Variants in SDR42E2 observed in about 807,000 individuals in gnomAD.
SDR42E2 encodes short chain dehydrogenase/reductase family 42E, member 2.
Under a neutral mutation model 10.5 loss-of-function variants are expected in SDR42E2, and 20 were observed. That is an observed-to-expected ratio of 1.90 (90% CI 1.34 to 2.77). The LOEUF is 2.77. Ranked by LOEUF, SDR42E2 falls within the 30% of genes most tolerant of loss-of-function variation. The pLI, the probability that SDR42E2 is intolerant of heterozygous loss-of-function variation, is 0.00. For synonymous variants in SDR42E2, 72 were observed against 39.2 expected, an observed-to-expected ratio of 1.84 and a Z score of -3.12; for missense variants, 162 against 104.2, an observed-to-expected ratio of 1.55 and a Z score of -2.42.
chr16:22,179,072 C>T (rs1226091193), intron 8 of SDR42E2, among the ~76,000 whole-genome samples: 1 of 152,116 alleles, frequency 6.6e-6, no homozygotes, highest in Non-Finnish European at 1.5e-5. Flanking sequence ...TGGCTCACTG[C>T]AGCCTCCACC....
chr16:22,183,965 C>G (rs1433568529), intron 10 of SDR42E2, among the ~76,000 whole-genome samples: 2 of 151,854 alleles, frequency 1.3e-5, no homozygotes, highest in Non-Finnish European at 2.9e-5. Flanking sequence ...TTAACTAACC[C>G]ATGCTTTCAA....
Position 22,190,270 on chromosome 16 carries a change from C to A in SDR42E2, c.1146C>A (p.Arg382=). ...TGCAGTCCACGACCCGGCGGCCCCG[C>A]GGCTCCACGGCGCGGACCCTCCTGC... ...LYVQSTTRRP[R]GSTARTLLRL... The change falls in exon 13 of 13, where the codon CGC becomes CGA. Residue 382 remains arginine (R), a synonymous_variant. Transcript: ENST00000602312. The A allele has an allele frequency of 2.5e-6, 1 of 401,376 alleles. No individual in the cohort carries two copies. Among genetic ancestry groups the A allele is most frequent in the African/African-American group, 2.0e-5 (1 of 48,806 alleles). 24.9% of individuals were successfully genotyped at this position (401,376 alleles called of 1,614,324 possible).
chr16:22,186,484 G>C (rs2046737633), intron 11 of SDR42E2, among the ~76,000 whole-genome samples: 1 of 152,194 alleles, frequency 6.6e-6, no homozygotes, highest in African/African-American at 2.4e-5. Context: ...TGGGATTACA[G>C]GCTTGAGCCA....
In SDR42E2 at chr16:22,186,724, C is replaced by T. The variant is rs2046739002; in HGVS notation, c.944C>T (p.Ala315Val). The change falls in exon 12 of 13, where the codon GCA (alanine) becomes GTA (valine). Residue 315 changes from alanine (A) to valine (V), a missense_variant. Physicochemically the swap from Ala to Val is moderately conservative, Grantham distance 64 (BLOSUM62 0). Transcript: ENST00000602312. ...CTGGCCCCCTCCTTCCCTGCAGCAG[C>T]AGTTATGGAGCGCCTCCATCTGGCC... ...VPTSWVYLTA[A>V]VMERLHLALR... 4 of 401,244 alleles carry T rather than the reference C, an allele frequency of 1.0e-5. No homozygotes were observed. The highest frequency in any genetic ancestry group is 1.8e-5 in the Non-Finnish European group (4 of 226,280). 24.9% of individuals were successfully genotyped at this position (401,244 alleles called of 1,614,324 possible).
At chr16:22,178,294 G>T in intron 8 of SDR42E2, 82 bp downstream of exon 8, 1 of 656,370 alleles carries the variant, frequency 1.5e-6, no homozygotes, top group South Asian at 1.6e-5. Context: ...CCCAGCCCCT[G>T]GTCGCTGCAT....
intron 12 of SDR42E2, among the ~76,000 whole-genome samples, chr16:22,187,735 G>A (rs975060916): frequency 6.6e-6 from 1 of 152,094 alleles, no homozygotes; most frequent in Admixed American, 6.6e-5. Flanking sequence ...TTAGTTAAAA[G>A]AGAGGATGTT....
chr16:22,190,062 C>G, intron 12 of SDR42E2, 77 bp from the exon 13 acceptor site: 1 of 400,384 alleles, frequency 2.5e-6, no homozygotes, highest in East Asian at 3.6e-5. Context: ...CTCTCTTTTC[C>G]CTTTCCGTAA....
chr16:22,177,701 A>G (rs2046656430), intron 7 of SDR42E2, among the ~76,000 whole-genome samples: 1 of 152,178 alleles, frequency 6.6e-6, no homozygotes, highest in South Asian at 2.1e-4. Context: ...AGCTATGGGC[A>G]TGAGGGCATG....
intron 10 of SDR42E2, among the ~76,000 whole-genome samples, chr16:22,183,953 T>A (rs1054875664): frequency 6.0e-5 from 9 of 149,072 alleles, no homozygotes; most frequent in Non-Finnish European, 8.9e-5. Flanking sequence ...AAAAAAAAAA[T>A]TTTAACTAAC....
At chr16:22,172,229 G>A (rs1189724185) in intron 6 of SDR42E2, 27 bp from the exon 7 acceptor site, 5 of 702,882 alleles carry the variant, frequency 7.1e-6, no homozygotes, top group Non-Finnish European at 1.3e-5. Context: ...CCTCTCTGGT[G>A]GTTCTGTTTT....
Position 22,190,404 on chromosome 16 carries a change from T to C in SDR42E2, c.*11T>C, listed in dbSNP as rs550544665. ...GTGGAGCGCCTGTGACCGTCCGCCG[T>C]CCGCCGCCCGCTAGGGTCGGCCCCG... On this transcript the variant is annotated 3_prime_UTR_variant, in exon 13 of 13. Coordinates refer to ENST00000602312, the MANE Select transcript of SDR42E2 (RefSeq NM_001394319.2). 824 of 401,398 alleles carry C rather than the reference T, an allele frequency of 2.1e-3. 5 individuals are homozygous for C. The highest frequency in any genetic ancestry group is 0.016 in the African/African-American group (767 of 48,730). 24.9% of individuals were successfully genotyped at this position (401,398 alleles called of 1,614,324 possible).
intron 8 of SDR42E2, among the ~76,000 whole-genome samples, chr16:22,179,865 C>T (rs892072329): frequency 6.7e-6 from 1 of 148,590 alleles, no homozygotes; most frequent in Non-Finnish European, 1.5e-5. Context: ...AAGGAAAAAG[C>T]GAGGTAGGGT....
intron 7 of SDR42E2, among the ~76,000 whole-genome samples, chr16:22,175,558 T>TA (rs140409629): frequency 6.6e-6 from 1 of 150,970 alleles, no homozygotes; most frequent in African/African-American, 2.4e-5. Context: ...TTTTTTTTTT[T>TA]AGTCTCCCAA....
intron 7 of SDR42E2, among the ~76,000 whole-genome samples, chr16:22,173,624 TG>T (rs2046618572): frequency 6.6e-6 from 1 of 152,150 alleles, no homozygotes; most frequent in African/African-American, 2.4e-5. Flanking sequence ...TGCAAAGGTC[TG>T]ATTAACCCTT....
chr16:22,175,012 C>T (rs539405069), intron 7 of SDR42E2, among the ~76,000 whole-genome samples: 15 of 152,248 alleles, frequency 9.9e-5, no homozygotes, highest in Admixed American at 3.9e-4. Context: ...TCTGACTCGG[C>T]GCAGAGGTCC....
At chr16:22,177,329 G>GA (rs1232132976) in intron 7 of SDR42E2, among the ~76,000 whole-genome samples, 1 of 152,012 alleles carries the variant, frequency 6.6e-6, no homozygotes, top group Non-Finnish European at 1.5e-5. Context: ...CTGCTGATTA[G>GA]AAAAAGGGAG....
rs934878810 is a variant in SDR42E2 at position 22,190,903 on chromosome 16, GC to G, written c.*515del. The G allele has an allele frequency of 5.3e-5, 4 of 74,916 alleles. No homozygotes were observed. The highest frequency in any genetic ancestry group is 1.7e-4 in the African/African-American group (3 of 17,576). 4.6% of individuals were successfully genotyped at this position (74,916 alleles called of 1,614,324 possible). A position where few individuals can be genotyped will look rare whatever the true frequency, so the allele number is the denominator to read the frequency against. On this transcript the variant is annotated 3_prime_UTR_variant, in exon 13 of 13. Coordinates refer to ENST00000602312, the MANE Select transcript of SDR42E2 (RefSeq NM_001394319.2). ...CACGGCTTGGGCACGCCTCTTCCCC[GC>G]CCCCTGACTTCAGAGCCTAGTCCTG...
rs941477112 is a variant in SDR42E2 at position 22,191,429 on chromosome 16, T to C, written c.*1036T>C. 2.0e-5 allele frequency: 3 copies of C among 152,412 alleles called. No homozygotes were observed. Among genetic ancestry groups the C allele is most frequent in the African/African-American group, 7.2e-5 (3 of 41,418 alleles). The allele number at this position is 152,412 out of a possible 1,614,324, so 9.4% of individuals were successfully genotyped here. On this transcript the variant is annotated 3_prime_UTR_variant, in exon 13 of 13. Coordinates refer to ENST00000602312, the MANE Select transcript of SDR42E2 (RefSeq NM_001394319.2). ...ACCAGGCTGCCGCGTCGCTATGGGCTAACGCAGGCTCGGGTGACGTTGGTA... is the reference window on the plus strand; with the variant it reads ...ACCAGGCTGCCGCGTCGCTATGGGCCAACGCAGGCTCGGGTGACGTTGGTA...
chr16:22,177,863 G>C (rs1028987231), intron 7 of SDR42E2, among the ~76,000 whole-genome samples: 9 of 148,958 alleles, frequency 6.0e-5, no homozygotes, highest in Non-Finnish European at 1.3e-4. Context: ...CAATGGGAGG[G>C]CAGGGACCAT....
Sources: gnomAD v4.1 joint callset for allele counts (sites outside exome capture counted in the v4.1 genomes callset) on GRCh38, gnomAD v4.1.1 for gene constraint, MANE v1.5 for transcripts, NCBI Gene and HGNC (gene_info 2026-07-23, HGNC 2026-07-21) for gene names.